Variants in NINL observed in about 807,000 individuals in gnomAD.
The protein encoded by NINL is ninein-like protein.
Under a neutral mutation model 160.3 loss-of-function variants are expected in NINL, and 153 were observed. The observed-to-expected ratio is 0.95, with a 90% CI of 0.84 to 1.09. The LOEUF (loss-of-function observed/expected upper bound fraction) is 1.09. Ranked by LOEUF, NINL falls within the 50% of genes least tolerant of loss-of-function variation. The pLI is 0.00. For missense variants in NINL, 1,829 were observed against 1,764.0 expected (o/e 1.04, Z -0.66); for synonymous variants, 800 against 734.8 (o/e 1.09, Z -1.43).
chr20:25,556,274 ACCCTGTCT>A (rs2064865784), intron 1 of NINL, among the ~76,000 whole-genome samples: 6 of 152,000 alleles, frequency 3.9e-5, no homozygotes, highest in African/African-American at 1.4e-4. Context: ...ACAGAGCAAG[ACCCTGTCT>A]CAAACAAACA....
At chr20:25,513,351 T>C (rs1322414149) in intron 3 of NINL, among the ~76,000 whole-genome samples, 3 of 152,170 alleles carry the variant, frequency 2.0e-5, no homozygotes, top group Non-Finnish European at 4.4e-5. Context: ...CCTCCAATAA[T>C]CCAACAACAT....
At chr20:25,582,759 T>C (rs1449979915) in intron 1 of NINL, among the ~76,000 whole-genome samples, 1 of 152,162 alleles carries the variant, frequency 6.6e-6, no homozygotes, top group Non-Finnish European at 1.5e-5. Flanking sequence ...TTCATAAAAC[T>C]GCTAGGCTGC....
At chr20:25,461,726 GA>G in intron 20 of NINL, 91 bp from the exon 21 acceptor site, 3 of 890,466 alleles carry the variant, frequency 3.4e-6, no homozygotes, top group Middle Eastern at 2.2e-4. Flanking sequence ...TTACAGAAAA[GA>G]AAAAAAGTAC....
chr20:25,575,247 G>T (rs113834669), intron 1 of NINL, among the ~76,000 whole-genome samples: 134 of 151,724 alleles, frequency 8.8e-4, no homozygotes, highest in Non-Finnish European at 1.8e-3. Context: ...AGGAGATCGA[G>T]ACCATCCTGG....
Position 25,517,819 on chromosome 20 carries a change from C to G in NINL, c.211G>C (p.Val71Leu). The change falls in exon 3 of 24, where the codon GTG becomes CTG. Residue 71 changes from valine to leucine, a missense_variant. Transcript: ENST00000278886. ...CCAGCATTTGAAGACAACACAGCCA[C>G]AAAACCTTCCTTAAATTCCTCAAAG... is the stretch of plus-strand genomic sequence containing the variant. ...VNFEEFKEGF[V>L]AVLSSNAGVR... 6.2e-7 allele frequency: 1 copy of G among 1,608,594 alleles called. No individual in the cohort carries two copies. The highest frequency in any genetic ancestry group is 8.5e-7 in the Non-Finnish European group (1 of 1,178,686).
intron 17 of NINL, among the ~76,000 whole-genome samples, chr20:25,474,446 C>T (rs1023234689): frequency 3.9e-5 from 6 of 152,200 alleles, no homozygotes; most frequent in Non-Finnish European, 8.8e-5. Context: ...TGTCAGCAAC[C>T]GGGTCTCTGA....
intron 22 of NINL, among the ~76,000 whole-genome samples, chr20:25,458,142 G>A (rs1049788014): frequency 1.1e-4 from 17 of 152,020 alleles, no homozygotes; most frequent in African/African-American, 4.1e-4. Context: ...GCCACATGGC[G>A]CCACCGCTCC....
intron 1 of NINL, among the ~76,000 whole-genome samples, chr20:25,578,780 G>A (rs1030513892): frequency 4.1e-5 from 5 of 122,374 alleles, no homozygotes; most frequent in Non-Finnish European, 5.0e-5. Flanking sequence ...GTGACAGAGC[G>A]AGACTCCATC....
At chr20:25,574,503 C>T (rs905427091) in intron 1 of NINL, among the ~76,000 whole-genome samples, 3 of 152,170 alleles carry the variant, frequency 2.0e-5, no homozygotes, top group African/African-American at 4.8e-5. Context: ...GAATCCACAC[C>T]GCTTCCACCC....
intron 21 of NINL, among the ~76,000 whole-genome samples, chr20:25,460,237 A>T (rs1204181568): frequency 6.6e-6 from 1 of 152,158 alleles, no homozygotes; most frequent in Non-Finnish European, 1.5e-5. Flanking sequence ...GGCCACTCTT[A>T]GGGAGCCCCA....
intron 5 of NINL, among the ~76,000 whole-genome samples, chr20:25,507,967 G>A (rs971056805): frequency 6.6e-6 from 1 of 152,164 alleles, no homozygotes; most frequent in Non-Finnish European, 1.5e-5. Context: ...GTAAACTGCT[G>A]GAAGGAACCC....
chr20:25,527,971 T>A (rs941583322), intron 1 of NINL, among the ~76,000 whole-genome samples: 2 of 152,248 alleles, frequency 1.3e-5, no homozygotes, highest in Admixed American at 1.3e-4. Flanking sequence ...AAGAATAGTT[T>A]GTCAAATTAC....
chr20:25,562,222 C>T (rs1381016464), intron 1 of NINL, among the ~76,000 whole-genome samples: 946 of 101,776 alleles, frequency 9.3e-3, no homozygotes, highest in African/African-American at 0.02. Context: ...AGGTGAGGGG[C>T]GCCTCTGCCC....
intron 5 of NINL, among the ~76,000 whole-genome samples, chr20:25,507,456 C>T (rs2063984783): frequency 6.6e-6 from 1 of 152,152 alleles, no homozygotes; most frequent in Admixed American, 6.5e-5. Context: ...CAGAAAGTGT[C>T]CATGGTGAGT....
rs190618225 is a variant in NINL, at chr20:25,520,181, G to A, written c.181-2332C>T. ...AAGGGTGTGATGGTTACACAGGTGCGCTCAGTTTGGAATATTCACTGACCT... is the reference window on the plus strand; with the variant it reads ...AAGGGTGTGATGGTTACACAGGTGCACTCAGTTTGGAATATTCACTGACCT... On this transcript the variant is annotated intron_variant, in intron 2 of 23. Transcript: ENST00000278886. 3.4e-4 allele frequency among the ~76,000 whole-genome samples: 51 copies of A among 152,138 alleles called. 1 individual carries two copies. In the East Asian group the frequency reaches 9.1e-3, roughly 27 times the overall value.
chr20:25,476,238 C>A lies in NINL; in HGVS notation c.3053G>T (p.Arg1018Met). ...GCHKHSVEVARRGSLPSHLQL... is the reference protein window; with the variant it reads ...GCHKHSVEVAMRGSLPSHLQL... The stretch of plus-strand genomic sequence containing the variant: ...GAGGTGGGATGGCAAGGACCCTCTC[C>A]TGGCAACCTCCACACTGTGCTTGTG... The change falls in exon 17 of 24, where the codon AGG (arginine) becomes ATG (methionine). Residue 1018 changes from arginine (R) to methionine (M), a missense_variant. By Grantham distance (91) the Arg-to-Met change is moderately conservative. Transcript: ENST00000278886. 6.2e-7 allele frequency: 1 copy of A among 1,614,030 alleles called. No individual in the cohort carries two copies. Among genetic ancestry groups the A allele is most frequent in the Non-Finnish European group, 8.5e-7 (1 of 1,179,968 alleles).
At chr20:25,524,904 A>AATATATATATAT (rs35820142) in intron 2 of NINL, among the ~76,000 whole-genome samples, 1 of 145,456 alleles carries the variant, frequency 6.9e-6, no homozygotes, top group South Asian at 2.1e-4. Context: ...CTCAAATTAA[A>AATATATATATAT]ATATATATAT....
chr20:25,565,310 T>C (rs946085536), intron 1 of NINL, among the ~76,000 whole-genome samples: 3 of 143,960 alleles, frequency 2.1e-5, no homozygotes, highest in Non-Finnish European at 3.0e-5. Flanking sequence ...AAGGAAAACT[T>C]GAAAAATGAA....
At chr20:25,474,662 G>T (rs561037873) in intron 17 of NINL, among the ~76,000 whole-genome samples, 2 of 151,996 alleles carry the variant, frequency 1.3e-5, no homozygotes, top group East Asian at 3.9e-4. Flanking sequence ...CCAGGCTGGA[G>T]TGCAGTGAGT....
Sources: gnomAD v4.1 joint callset for allele counts (sites outside exome capture counted in the v4.1 genomes callset) on GRCh38, gnomAD v4.1.1 for gene constraint, MANE v1.5 for transcripts, NCBI Gene and HGNC (gene_info 2026-07-23, HGNC 2026-07-21) for gene names.